The following MEIS1 variants were observed in gnomAD, a reference collection of about 807,000 sequenced individuals.
MEIS1 encodes the protein Meis homeobox 1.
In MEIS1, 5 loss-of-function variants were observed where a neutral mutation model predicts 50.8. That is an observed-to-expected ratio of 0.10 (90% CI 0.05 to 0.21). MEIS1 has a LOEUF of 0.21. Among genes scored for constraint, MEIS1 ranks in the 10% least tolerant of loss-of-function variants. MEIS1 has a pLI of 1.00. For synonymous variants in MEIS1, 176 were observed against 179.3 expected, an observed-to-expected ratio of 0.98 and a Z score of 0.15; for missense variants, 318 against 517.3, an observed-to-expected ratio of 0.61 and a Z score of 3.74.
At chr2:66,552,331 C>T (rs1374364116) in intron 9 of MEIS1, among the ~76,000 whole-genome samples, 1 of 152,080 alleles carries the variant, frequency 6.6e-6, no homozygotes, top group Non-Finnish European at 1.5e-5. Context: ...CAAACACTTT[C>T]CTATTAAGTT....
Position 66,443,054 on chromosome 2 carries a change from C to A in MEIS1, c.630+6C>A, listed in dbSNP as rs200317215. 2.2e-5 allele frequency: 35 copies of A among 1,568,928 alleles called. No homozygotes were observed. The highest frequency in any genetic ancestry group is 2.0e-4 in the Admixed American group (10 of 48,876). On this transcript the variant is annotated splice_donor_region_variant and intron_variant, in intron 6 of 12. Transcript: ENST00000272369. The stretch of plus-strand genomic sequence containing the variant: ...CAGCAAATCTAACTGACCAGGTATG[C>A]GCTTTTCAATTTCAACATCCCTGGG...
chr2:66,497,345 G>A (rs1195028031), intron 7 of MEIS1, among the ~76,000 whole-genome samples: 1 of 152,068 alleles, frequency 6.6e-6, no homozygotes, highest in Non-Finnish European at 1.5e-5. Flanking sequence ...GATTAAATGA[G>A]ATACTTCAGA....
At chr2:66,546,878 C>A (rs1172868447) in intron 8 of MEIS1, among the ~76,000 whole-genome samples, 1 of 152,134 alleles carries the variant, frequency 6.6e-6, no homozygotes, top group East Asian at 1.9e-4. Flanking sequence ...AGCATCTAAT[C>A]AGACATTATT....
chr2:66,464,338 T>C, intron 7 of MEIS1, 118 bp downstream of exon 7: 1 of 788,754 alleles, frequency 1.3e-6, no homozygotes, highest in South Asian at 1.5e-5. Context: ...CCCCTTTAAC[T>C]TGAGAATCAG....
intron 8 of MEIS1, among the ~76,000 whole-genome samples, chr2:66,543,994 T>C (rs1674724137): frequency 6.6e-6 from 1 of 152,232 alleles, no homozygotes. Flanking sequence ...TTTCTTAAAC[T>C]GTGTCCTTGA....
intron 2 of MEIS1, among the ~76,000 whole-genome samples, 198 bp downstream of exon 2, chr2:66,438,161 A>C (rs1671848997): frequency 1.3e-5 from 2 of 152,118 alleles, no homozygotes; most frequent in African/African-American, 4.8e-5. Context: ...CTCTGTGCAC[A>C]TCCAGTGCCC....
chr2:66,480,251 G>A (rs1672985927), intron 7 of MEIS1, among the ~76,000 whole-genome samples: 1 of 152,192 alleles, frequency 6.6e-6, no homozygotes, highest in African/African-American at 2.4e-5. Context: ...TATTTGGTGT[G>A]TTCTCAAAGA....
intron 7 of MEIS1, among the ~76,000 whole-genome samples, chr2:66,479,805 C>T (rs2103781561): frequency 6.6e-6 from 1 of 152,226 alleles, no homozygotes; most frequent in Non-Finnish European, 1.5e-5. Context: ...ATCAAGAAGC[C>T]CCGGGCCATG....
At chr2:66,554,811 T>A (rs948071066) in intron 9 of MEIS1, among the ~76,000 whole-genome samples, 7 of 152,132 alleles carry the variant, frequency 4.6e-5, no homozygotes, top group African/African-American at 1.7e-4. Flanking sequence ...ACAGAGAAAT[T>A]AATTAAAAAG....
chr2:66,464,511 A>T (rs1242951094), intron 7 of MEIS1, among the ~76,000 whole-genome samples: 1 of 152,180 alleles, frequency 6.6e-6, no homozygotes, highest in African/African-American at 2.4e-5. Context: ...TGCCATTCAT[A>T]CCCTGCTATA....
chr2:66,543,577 T>A (rs559035590), intron 8 of MEIS1, among the ~76,000 whole-genome samples: 1 of 152,164 alleles, frequency 6.6e-6, no homozygotes, highest in African/African-American at 2.4e-5. Context: ...TACCCATACA[T>A]AATCACTGTT....
chr2:66,471,135 C>G (rs1672751973), intron 7 of MEIS1, among the ~76,000 whole-genome samples: 1 of 152,154 alleles, frequency 6.6e-6, no homozygotes, highest in African/African-American at 2.4e-5. Flanking sequence ...GGAGTTTCAG[C>G]TTGTCTTTGA....
At chr2:66,473,375 T>C (rs1672809035) in intron 7 of MEIS1, among the ~76,000 whole-genome samples, 1 of 83,944 alleles carries the variant, frequency 1.2e-5, no homozygotes, top group African/African-American at 1.1e-4. Flanking sequence ...TGAGACTCCA[T>C]GTCAAAAAAA....
chr2:66,454,991 C>T (rs2103721993), intron 6 of MEIS1, among the ~76,000 whole-genome samples: 1 of 151,856 alleles, frequency 6.6e-6, no homozygotes, highest in Admixed American at 6.6e-5. Context: ...CTATGAACTA[C>T]AATTTATAGG....
Position 66,512,294 on chromosome 2 carries a change from A to G in MEIS1, c.888A>G (p.Thr296=). The part of the protein sequence containing the change: ...IMRAWLFQHL[T]HPYPSEEQKK... ...GGGCGTGGCTGTTCCAGCATCTAACAGTAAGTGGATTCTAAATGACATATA... is the reference window on the plus strand; with the variant it reads ...GGGCGTGGCTGTTCCAGCATCTAACGGTAAGTGGATTCTAAATGACATATA... The change falls in exon 8 of 13, where the codon ACA becomes ACG. Residue 296 remains threonine, a splice_region_variant and synonymous_variant. Transcript: ENST00000272369. 1 of 1,610,002 alleles carries G rather than the reference A, an allele frequency of 6.2e-7. No homozygotes were observed. The highest frequency in any genetic ancestry group is 8.5e-7 in the Non-Finnish European group (1 of 1,178,692).
In MEIS1 at chr2:66,573,602, C is replaced by G. The variant is rs1675520316; in HGVS notation, c.*2394C>G. The G allele has an allele frequency of 6.6e-6, 1 of 152,166 alleles. No homozygotes were observed. The highest frequency in any genetic ancestry group is 1.5e-5 in the Non-Finnish European group (1 of 68,050). The allele number at this position is 152,166 out of a possible 1,614,324, so 9.4% of individuals were successfully genotyped here. A position where few individuals can be genotyped will look rare whatever the true frequency, so the allele number is the denominator to read the frequency against. Reference sequence around the variant, plus strand: ...TCACCTGCTGGAGTAGCAATGCATTCTCACCTTTTGCTGATGGGGCCTTGT... The same window carrying G: ...TCACCTGCTGGAGTAGCAATGCATTGTCACCTTTTGCTGATGGGGCCTTGT... On this transcript the variant is annotated 3_prime_UTR_variant, in exon 13 of 13. Transcript: ENST00000272369.
intron 7 of MEIS1, among the ~76,000 whole-genome samples, chr2:66,465,494 G>C (rs566389605): frequency 2.4e-4 from 37 of 152,112 alleles, no homozygotes; most frequent in Non-Finnish European, 2.4e-4. Context: ...TGTTCAGAGT[G>C]CTATAGTTAA....
intron 7 of MEIS1, among the ~76,000 whole-genome samples, chr2:66,495,276 T>C (rs1296334677): frequency 6.6e-6 from 1 of 152,136 alleles, no homozygotes; most frequent in East Asian, 1.9e-4. Context: ...TTAAAGGTTA[T>C]GTATTTTTTT....
chr2:66,453,552 G>A (rs1672321475), intron 6 of MEIS1, among the ~76,000 whole-genome samples: 1 of 151,928 alleles, frequency 6.6e-6, no homozygotes, highest in Admixed American at 6.6e-5. Context: ...AAATAATGAA[G>A]GAAGGGAATA....
Sources: allele counts gnomAD v4.1 joint callset (sites outside exome capture counted in the v4.1 genomes callset), GRCh38; gene constraint gnomAD v4.1.1; transcripts MANE v1.5; gene names NCBI Gene and HGNC (gene_info 2026-07-23, HGNC 2026-07-21).